The following INTS6 variants were observed in gnomAD, a reference collection of about 807,000 sequenced individuals.
The protein encoded by INTS6 is DEAD box protein.
In INTS6, 16 loss-of-function variants were observed where a neutral mutation model predicts 104.9. That is an observed-to-expected ratio of 0.15 (90% CI 0.10 to 0.23). INTS6 has a LOEUF of 0.23. INTS6 is among the 10% of genes least tolerant of loss of function. The pLI is 1.00. For synonymous variants in INTS6, 324 were observed against 358.7 expected, an observed-to-expected ratio of 0.90 and a Z score of 1.09; for missense variants, 584 against 1,062.8, an observed-to-expected ratio of 0.55 and a Z score of 6.26.
At chr13:51,344,958 T>G in the INTS6 span, among the ~76,000 whole-genome samples, 3 of 151,886 alleles carry the variant, frequency 2.0e-5, no homozygotes, top group Non-Finnish European at 4.4e-5. Flanking sequence ...AGCTCAGTGT[T>G]ATTGAAGAAA....
rs1313788051 is a variant in INTS6 at position 51,362,958 on chromosome 13, C to T, written c.*2794G>A. On this transcript the variant is annotated 3_prime_UTR_variant, in exon 18 of 18. Coordinates refer to ENST00000311234, the MANE Select transcript of INTS6 (RefSeq NM_012141.3). ...CACCATGATCATCCCAACCACATAACGATTAGATGAAAATATCACTTATCA... is the reference window on the plus strand; with the variant it reads ...CACCATGATCATCCCAACCACATAATGATTAGATGAAAATATCACTTATCA... 3 of 152,000 alleles carry T rather than the reference C, an allele frequency of 2.0e-5. No homozygotes were observed. Among genetic ancestry groups the T allele is most frequent in the South Asian group, 2.1e-4 (1 of 4,826 alleles). The allele number at this position is 152,000 out of a possible 1,614,324, so 9.4% of individuals were successfully genotyped here.
At position 51,378,117 on chromosome 13, in the gene INTS6, C is replaced by A. The variant is rs1015260547; in HGVS notation, c.1602+122G>T. On this transcript the variant is annotated intron_variant, in intron 12 of 17. Coordinates refer to ENST00000311234, the MANE Select transcript of INTS6 (RefSeq NM_012141.3). ...TGACAGTATAATGATCATTAGTCTA[C>A]AAGAGTACAGAAGTACTCTTTAAAG... The A allele has an allele frequency of 1.3e-5, 9 of 713,946 alleles. No homozygotes were observed. In the East Asian group the frequency reaches 2.0e-4, roughly 16 times the overall value. 44.2% of individuals were successfully genotyped at this position (713,946 alleles called of 1,614,324 possible). A position where few individuals can be genotyped will look rare whatever the true frequency, so the allele number is the denominator to read the frequency against.
chr13:51,442,647 G>A (rs555474291), intron 3 of INTS6: 51 of 152,954 alleles, frequency 3.3e-4, no homozygotes, highest in Admixed American at 1.4e-3. Flanking sequence ...TTGGGGCTCC[G>A]CCTCCTGTTA....
chr13:51,336,945 G>A, the INTS6 span, among the ~76,000 whole-genome samples: 1 of 152,252 alleles, frequency 6.6e-6, no homozygotes, highest in African/African-American at 2.4e-5. Flanking sequence ...CGGGACAGCA[G>A]GAAGCCCAGC....
intron 3 of INTS6, chr13:51,354,909 G>A: frequency 1.6e-6 from 1 of 622,118 alleles, no homozygotes; most frequent in South Asian, 2.0e-5. Flanking sequence ...AAGGCGCCAT[G>A]GAAGATGAAG....
At chr13:51,373,106 A>G (rs1212180607) in intron 15 of INTS6, among the ~76,000 whole-genome samples, 1 of 152,134 alleles carries the variant, frequency 6.6e-6, no homozygotes, top group Non-Finnish European at 1.5e-5. Context: ...AGTTTTCTAC[A>G]ATCTGGATTT....
intron 16 of INTS6, 22 bp downstream of exon 16, chr13:51,368,917 G>A (rs1413193392): frequency 6.5e-7 from 1 of 1,533,494 alleles, no homozygotes; most frequent in Non-Finnish European, 8.7e-7. Flanking sequence ...CAGATCTGAG[G>A]TTCGTCTCTT....
At chr13:51,347,842 T>C in the INTS6 span, among the ~76,000 whole-genome samples, 3 of 151,892 alleles carry the variant, frequency 2.0e-5, no homozygotes, top group Non-Finnish European at 2.9e-5. Flanking sequence ...CGAGAAAACA[T>C]AGTATATGCA....
chr13:51,395,470 A>T lies in INTS6; in HGVS notation c.443T>A (p.Leu148His). 6.2e-7 allele frequency: 1 copy of T among 1,611,040 alleles called. No homozygotes were observed. The highest frequency in any genetic ancestry group is 8.5e-7 in the Non-Finnish European group (1 of 1,179,030). The change falls in exon 5 of 18, where the codon CTT (leucine) becomes CAT (histidine). Residue 148 changes from leucine to histidine, a missense_variant. Leu to His is a moderately conservative substitution (Grantham distance 99, BLOSUM62 -3). Around this residue, in one of 5 missense-constraint regions of INTS6, gnomAD observed 70 missense variants for 190.3 expected, o/e 0.37. Transcript: ENST00000311234. The part of the protein sequence containing the change: ...SGVQDELHLP[L>H]NSPLPGSELT... The stretch of plus-strand genomic sequence containing the variant: ...TTCACTTCCAGGCAAAGGAGAATTA[A>T]GAGGTAAATGAAGCTGAAAGTAGGG...
the INTS6 span, chr13:51,341,472 C>T: frequency 1.0e-6 from 1 of 955,524 alleles, no homozygotes; most frequent in South Asian, 1.6e-5. Flanking sequence ...CATACTCACA[C>T]TCACTCTCTC....
chr13:51,387,313 C>G, intron 7 of INTS6, 73 bp downstream of exon 7: 3 of 1,353,992 alleles, frequency 2.2e-6, no homozygotes, highest in Non-Finnish European at 3.0e-6. Context: ...ACAGCTTTGA[C>G]AACAGAATTT....
downstream of INTS6, among the ~76,000 whole-genome samples, chr13:51,349,903 G>A (rs1009271019): frequency 1.3e-5 from 2 of 152,158 alleles, no homozygotes; most frequent in African/African-American, 2.4e-5. Flanking sequence ...TATTTCACAA[G>A]TAAAACTAAC....
At chr13:51,447,325 T>C (rs1413880497) in intron 3 of INTS6, 1 of 152,160 alleles carries the variant, frequency 6.6e-6, no homozygotes, top group Non-Finnish European at 1.5e-5. Context: ...AAATGGGTAC[T>C]ATTTAGGTAA....
rs1329160820 is a variant in INTS6 at position 51,363,063 on chromosome 13, C to A, written c.*2689G>T. The stretch of plus-strand genomic sequence containing the variant: ...AAGATGAGAAAAAGGACAGGTTCTA[C>A]TCCCTAAGGAAACAAAGAGACAGGA... On this transcript the variant is annotated 3_prime_UTR_variant, in exon 18 of 18. Coordinates refer to ENST00000311234, the MANE Select transcript of INTS6 (RefSeq NM_012141.3). 6.6e-6 allele frequency: 1 copy of A among 151,830 alleles called. No individual in the cohort carries two copies. Among genetic ancestry groups the A allele is most frequent in the Non-Finnish European group, 1.5e-5 (1 of 67,830 alleles). 9.4% of individuals were successfully genotyped at this position (151,830 alleles called of 1,614,324 possible).
chr13:51,411,268 C>T (rs992458765), intron 4 of INTS6, among the ~76,000 whole-genome samples: 2 of 148,748 alleles, frequency 1.3e-5, no homozygotes, highest in Non-Finnish European at 3.0e-5. Context: ...CAAGCAAGCA[C>T]ATGGGCCAGG....
At chr13:51,390,300 A>AAT (rs1281844840) in intron 5 of INTS6, among the ~76,000 whole-genome samples, 4 of 152,092 alleles carry the variant, frequency 2.6e-5, no homozygotes, top group African/African-American at 9.6e-5. Flanking sequence ...AGTATGAAAA[A>AAT]ATATAAAACA....
rs1163753603 is a variant in INTS6, at chr13:51,451,748, T to TGCCGG, written c.189+225_189+229dup. 3.4e-4 allele frequency among the ~76,000 whole-genome samples: 47 copies of TGCCGG among 140,004 alleles called. 1 individual carries two copies. Among genetic ancestry groups the TGCCGG allele is most frequent in the Admixed American group, 7.7e-4 (11 of 14,320 alleles). The allele number at this position is 140,004 out of a possible 152,430, so 91.8% of individuals were successfully genotyped here. A position where few individuals can be genotyped will look rare whatever the true frequency, so the allele number is the denominator to read the frequency against. ...CCGCCGCCGCCGCCGCCGCCGCCGC[T>TGCCGG]GCCGGGCCGGGCCGGGAGGGGACGG... On this transcript the variant is annotated intron_variant, in intron 2 of 17. Coordinates refer to ENST00000311234, the MANE Select transcript of INTS6 (RefSeq NM_012141.3).
At chr13:51,361,089 A>G (rs1223207882), downstream of INTS6, among the ~76,000 whole-genome samples, 1 of 152,100 alleles carries the variant, frequency 6.6e-6, no homozygotes, top group African/African-American at 2.4e-5. Flanking sequence ...TTGAGTCTTA[A>G]GAATTTTCCA....
intron 17 of INTS6, among the ~76,000 whole-genome samples, chr13:51,367,399 G>A (rs1955714278): frequency 6.6e-6 from 1 of 151,930 alleles, no homozygotes; most frequent in Non-Finnish European, 1.5e-5. Context: ...AGGCCCATTT[G>A]TCCAATTCTT....
Sources: gnomAD v4.1 joint callset for allele counts (sites outside exome capture counted in the v4.1 genomes callset) on GRCh38, gnomAD v4.1.1 for gene constraint, gnomAD v4.1.1 regional missense constraint, MANE v1.5 for transcripts, NCBI Gene and HGNC (gene_info 2026-07-23, HGNC 2026-07-21) for gene names.